Variants in RPL24 observed in about 807,000 individuals in gnomAD.
The protein encoded by RPL24 is ribosomal protein L24.
A neutral mutation model predicts 26.4 loss-of-function variants in RPL24; 7 were observed. That is an observed-to-expected ratio of 0.27 (90% CI 0.15 to 0.50). The LOEUF (loss-of-function observed/expected upper bound fraction) is 0.50. Ranked by LOEUF, RPL24 falls within the 20% of genes least tolerant of loss-of-function variation. The probability of loss-of-function intolerance (pLI) is 0.98; values close to 1 mark genes in which losing one functional copy is unlikely to be tolerated. For synonymous variants in RPL24, 67 were observed against 65.2 expected, an observed-to-expected ratio of 1.03 and a Z score of -0.13; for missense variants, 109 against 194.9, an observed-to-expected ratio of 0.56 and a Z score of 2.62.
At chr3:101,686,408 C>A in intron 2 of RPL24, 74 bp downstream of exon 2, 1 of 1,355,352 alleles carries the variant, frequency 7.4e-7, no homozygotes, top group Non-Finnish European at 1.0e-6. Context: ...GGAATAAACC[C>A]GCCTAAACCG....
At chr3:101,685,173 C>G (rs1937319847) in intron 3 of RPL24, among the ~76,000 whole-genome samples, 1 of 151,618 alleles carries the variant, frequency 6.6e-6, no homozygotes, top group Admixed American at 6.6e-5. Context: ...CCTGTAATTC[C>G]TGTTTTTTTT....
chr3:101,681,520 T>C, intron 5 of RPL24: 1 of 291,324 alleles, frequency 3.4e-6, no homozygotes. Context: ...CAGTGTTTAC[T>C]CAGCTTTTCT....
Position 101,682,506 on chromosome 3 carries a change from G to C in RPL24, c.330-14C>G. 6.2e-7 allele frequency: 1 copy of C among 1,609,104 alleles called. No homozygotes were observed. The highest frequency in any genetic ancestry group is 8.5e-7 in the Non-Finnish European group (1 of 1,176,876). ...TCCTTAGCAGCCCTGTGGGGTAAAAGTAACTTAAGGCAAAAGCACTTTACT... is the reference window on the plus strand; with the variant it reads ...TCCTTAGCAGCCCTGTGGGGTAAAACTAACTTAAGGCAAAAGCACTTTACT... On this transcript the variant is annotated splice_polypyrimidine_tract_variant and intron_variant, in intron 4 of 5. Coordinates refer to ENST00000394077, the MANE Select transcript of RPL24 (RefSeq NM_000986.4).
rs534468219 is a variant in RPL24, at chr3:101,684,332, A to C, written c.193-1425T>G. On this transcript the variant is annotated intron_variant, in intron 3 of 5. Transcript: ENST00000394077. ...AGGCACCTGCCACCATGTCCGGCTA[A>C]TTTTTTTTTGTATTTTTAGTAGAGA... Among the ~76,000 whole-genome samples the C allele has an allele frequency of 2.7e-5, 4 of 149,778 alleles. No individual in the cohort carries two copies. In the South Asian group the frequency reaches 8.4e-4, roughly 32 times the overall value.
rs745380383 is a variant in RPL24, at chr3:101,686,092, G to C, written c.82-164C>G. 1.1e-4 allele frequency: 65 copies of C among 598,884 alleles called. No individual in the cohort carries two copies. In the Middle Eastern group the frequency reaches 1.9e-3, roughly 17 times the overall value. 37.1% of individuals were successfully genotyped at this position (598,884 alleles called of 1,614,324 possible). Reference sequence around the variant, plus strand: ...GCTGTCACATAACTGGCAGGTAACTGTGTCACACTATGAAGGTCCTTGCGT... The same window carrying C: ...GCTGTCACATAACTGGCAGGTAACTCTGTCACACTATGAAGGTCCTTGCGT... On this transcript the variant is annotated intron_variant, in intron 2 of 5. Transcript: ENST00000394077.
At chr3:101,682,730 A>T (rs751454072) in intron 4 of RPL24, 41 bp downstream of exon 4, 11 of 1,596,962 alleles carry the variant, frequency 6.9e-6, no homozygotes, top group Non-Finnish European at 7.7e-6. Flanking sequence ...CCTAAAATCC[A>T]TCCGAATAGG....
chr3:101,683,648 T>C (rs1937290202), intron 3 of RPL24, among the ~76,000 whole-genome samples: 1 of 151,794 alleles, frequency 6.6e-6, no homozygotes, highest in Admixed American at 6.6e-5. Context: ...CACTTAAACA[T>C]TTTTTTTATT....
Position 101,682,510 on chromosome 3 carries a change from C to G in RPL24, c.330-18G>C. On this transcript the variant is annotated intron_variant, in intron 4 of 5. Transcript: ENST00000394077. ...TAGCAGCCCTGTGGGGTAAAAGTAA[C>G]TTAAGGCAAAAGCACTTTACTCCTT... 7.5e-6 allele frequency: 12 copies of G among 1,607,624 alleles called. No individual in the cohort carries two copies. The highest frequency in any genetic ancestry group is 1.0e-5 in the Non-Finnish European group (12 of 1,175,772).
At chr3:101,682,961 G>C (rs1051903669) in intron 3 of RPL24, 54 bp from the exon 4 acceptor site, 1 of 1,540,782 alleles carries the variant, frequency 6.5e-7, no homozygotes, top group Non-Finnish European at 8.8e-7. Context: ...AGAATTTAGA[G>C]GGAGGAAAAA....
In RPL24 at chr3:101,685,852, A is replaced by G; in HGVS notation, c.158T>C (p.Val53Ala). ...CTTTTTGTGCTTCCTTCTGTAGAGG[A>G]CAGTCCAGTTTATCTGCCGAGGATT... ...KRNPRQINWT[V>A]LYRRKHKKGQ... The change falls in exon 3 of 6, where the codon GTC (valine) becomes GCC (alanine). Residue 53 changes from valine (V) to alanine (A), a missense_variant. Physicochemically the swap from Val to Ala is moderately conservative, Grantham distance 64 (BLOSUM62 0). This residue lies in a region of RPL24 where 69 missense variants were observed against 96.2 expected (regional missense o/e 0.72). Coordinates refer to ENST00000394077, the MANE Select transcript of RPL24 (RefSeq NM_000986.4). 1 of 1,613,418 alleles carries G rather than the reference A, an allele frequency of 6.2e-7. No individual in the cohort carries two copies. The highest frequency in any genetic ancestry group is 8.5e-7 in the Non-Finnish European group (1 of 1,179,336).
chr3:101,684,825 C>T (rs1937313255), intron 3 of RPL24, among the ~76,000 whole-genome samples: 1 of 116,976 alleles, frequency 8.5e-6, no homozygotes, highest in South Asian at 3.4e-4. Context: ...GTATAGTGGC[C>T]TTATGTACAT....
At chr3:101,686,254 C>G (rs1216451352) in intron 2 of RPL24, 1 of 586,824 alleles carries the variant, frequency 1.7e-6, no homozygotes, top group Non-Finnish European at 3.0e-6. Context: ...TCCCTTACAC[C>G]GGGACATCAG....
intron 3 of RPL24, among the ~76,000 whole-genome samples, chr3:101,684,775 C>CAAAAAA: frequency 8.6e-5 from 1 of 11,596 alleles, no homozygotes; most frequent in East Asian, 3.6e-3. Flanking sequence ...ACCTGTCTCC[C>CAAAAAA]CAAAAAAAAA....
chr3:101,683,448 TTTA>T (rs1470843713), intron 3 of RPL24, among the ~76,000 whole-genome samples: 5 of 152,210 alleles, frequency 3.3e-5, no homozygotes, highest in Admixed American at 2.0e-4. Flanking sequence ...CGAATAGTTG[TTTA>T]TTAAGGCACT....
At chr3:101,686,257 G>T in intron 2 of RPL24, 1 of 587,184 alleles carries the variant, frequency 1.7e-6, no homozygotes, top group Non-Finnish European at 3.0e-6. Flanking sequence ...CTTACACCGG[G>T]ACATCAGTTA....
intron 5 of RPL24, 40 bp from the exon 6 acceptor site, chr3:101,681,255 GTTACCCTATTA>G (rs1559992258): frequency 1.4e-6 from 2 of 1,416,694 alleles, no homozygotes; most frequent in South Asian, 2.3e-5. Context: ...CAAAACTTTT[GTTACCCTATTA>G]TTACCCATCT....
intron 5 of RPL24, 194 bp from the exon 6 acceptor site, chr3:101,681,409 A>T (rs565898805): frequency 1.7e-5 from 10 of 584,014 alleles, no homozygotes; most frequent in Admixed American, 6.2e-5. Context: ...AAAGACTAAG[A>T]TACCCTCACA....
At chr3:101,686,174 G>T (rs1937339337) in intron 2 of RPL24, 1 of 572,764 alleles carries the variant, frequency 1.7e-6, no homozygotes, top group Admixed American at 3.1e-5. Context: ...AGGGTGGTGC[G>T]TCCTTCTGGG....
At chr3:101,683,023 A>G in intron 3 of RPL24, 116 bp from the exon 4 acceptor site, 1 of 893,920 alleles carries the variant, frequency 1.1e-6, no homozygotes, top group Non-Finnish European at 1.7e-6. Context: ...CATATTCAAC[A>G]AAAAATAATT....
Sources: gnomAD v4.1 joint callset for allele counts (sites outside exome capture counted in the v4.1 genomes callset) on GRCh38, gnomAD v4.1.1 for gene constraint, gnomAD v4.1.1 regional missense constraint, MANE v1.5 for transcripts, NCBI Gene and HGNC (gene_info 2026-07-23, HGNC 2026-07-21) for gene names.